ARHGAP29: variants seen among roughly 807,000 people sequenced by gnomAD.
ARHGAP29 encodes the protein rho GTPase-activating protein 29.
A neutral mutation model predicts 122.6 loss-of-function variants in ARHGAP29; 43 were observed. That is an observed-to-expected ratio of 0.35 (90% CI 0.27 to 0.45). The LOEUF (loss-of-function observed/expected upper bound fraction) is 0.45. Ranked by LOEUF, ARHGAP29 falls within the 20% of genes least tolerant of loss-of-function variation. ARHGAP29 has a pLI of 1.00. For synonymous variants in ARHGAP29, 506 were observed against 497.1 expected, an observed-to-expected ratio of 1.02 and a Z score of -0.24; for missense variants, 1,303 against 1,477.2, an observed-to-expected ratio of 0.88 and a Z score of 1.93.
rs908589581 is a variant in ARHGAP29, at chr1:94,264,030, T to C, written c.-33+10982A>G. Among the ~76,000 whole-genome samples the C allele has an allele frequency of 1.1e-4, 16 of 152,200 alleles. 1 individual carries two copies. The highest frequency in any genetic ancestry group is 4.6e-4 in the Admixed American group (7 of 15,280). ...GCTTGCATCAATCCTATTTCCCTAG[T>C]TGAGATCCCTAGAAGTGTAAATTTT... On this transcript the variant is annotated intron_variant and NMD_transcript_variant, in intron 1 of 25. Coordinates refer to the ARHGAP29 transcript ENST00000552844.
intron 1 of ARHGAP29, among the ~76,000 whole-genome samples, chr1:94,261,573 A>T (rs1356203720): frequency 6.6e-6 from 1 of 152,238 alleles, no homozygotes; most frequent in African/African-American, 2.4e-5. Flanking sequence ...ATACAAAATC[A>T]ACATACAAAA....
At chr1:94,237,629 C>CGCCCGCCA (rs1261527509), upstream of ARHGAP29, 2 of 986,986 alleles carry the variant, frequency 2.0e-6, no homozygotes, top group Non-Finnish European at 2.4e-6. Context: ...CCGCACCGCC[C>CGCCCGCCA]GCCCGCCAGC....
intron 3 of ARHGAP29, among the ~76,000 whole-genome samples, chr1:94,216,208 A>C (rs1006494592): frequency 5.3e-5 from 8 of 152,240 alleles, no homozygotes; most frequent in Non-Finnish European, 5.9e-5. Context: ...CACTGTTTGT[A>C]ATAGGAAAAA....
chr1:94,190,776 T>C (rs1363167958), intron 12 of ARHGAP29: 1 of 152,106 alleles, frequency 6.6e-6, no homozygotes, highest in Non-Finnish European at 1.5e-5. Flanking sequence ...ATACTGACCC[T>C]CCTGGACCTT....
upstream of ARHGAP29, among the ~76,000 whole-genome samples, chr1:94,240,278 T>G (rs554345376): frequency 1.3e-5 from 2 of 152,302 alleles, no homozygotes; most frequent in Admixed American, 1.3e-4. Context: ...TTTTGAGAAG[T>G]CTCTCAATCT....
rs549372248 is a variant in ARHGAP29 at position 94,250,348 on chromosome 1, A to C, written c.-32-18705T>G. On this transcript the variant is annotated intron_variant and NMD_transcript_variant, in intron 1 of 25. Transcript: ENST00000552844. ...CCAGACATTGTTCTGAGCACAGGGG[A>C]TATATCAGGGAATTTTAAATCCACC... is the stretch of plus-strand genomic sequence containing the variant. 3 of 152,292 alleles carry C rather than the reference A, an allele frequency of 2.0e-5. No homozygotes were observed. In the South Asian group the frequency reaches 6.2e-4, roughly 32 times the overall value. 9.4% of individuals were successfully genotyped at this position (152,292 alleles called of 1,614,324 possible).
At chr1:94,184,375 T>G (rs1161357707) in intron 18 of ARHGAP29, 87 bp from the exon 19 acceptor site, 2 of 924,216 alleles carry the variant, frequency 2.2e-6, no homozygotes, top group Non-Finnish European at 3.2e-6. Flanking sequence ...TGATTTTCAA[T>G]CTTTTCACTC....
chr1:94,188,179 G>A (rs1424840557), intron 15 of ARHGAP29, among the ~76,000 whole-genome samples: 1 of 152,070 alleles, frequency 6.6e-6, no homozygotes, highest in East Asian at 1.9e-4. Flanking sequence ...ACCCAGGCAA[G>A]TTACTCTCTT....
chr1:94,245,663 T>C (rs1486613315), intron 1 of ARHGAP29, among the ~76,000 whole-genome samples: 1 of 152,168 alleles, frequency 6.6e-6, no homozygotes, highest in African/African-American at 2.4e-5. Flanking sequence ...ATATTCAACA[T>C]ACTTGGGAAA....
intron 2 of ARHGAP29, among the ~76,000 whole-genome samples, chr1:94,221,225 TC>T (rs1254588122): frequency 6.6e-6 from 1 of 152,172 alleles, no homozygotes; most frequent in African/African-American, 2.4e-5. Flanking sequence ...AGGATCTTCA[TC>T]CCAAGTAAAT....
At chr1:94,213,339 C>G (rs1219082712) in intron 3 of ARHGAP29, among the ~76,000 whole-genome samples, 1 of 152,082 alleles carries the variant, frequency 6.6e-6, no homozygotes, top group Non-Finnish European at 1.5e-5. Flanking sequence ...GCCACCAGGC[C>G]CGGCCAATTT....
the ARHGAP29 span, among the ~76,000 whole-genome samples, chr1:94,311,657 T>G: frequency 6.6e-6 from 1 of 152,174 alleles, no homozygotes; most frequent in African/African-American, 2.4e-5. Flanking sequence ...ATTTCCTCAG[T>G]CAACTCACTC....
chr1:94,302,730 G>A, the ARHGAP29 span: 1 of 381,214 alleles, frequency 2.6e-6, no homozygotes, highest in Non-Finnish European at 5.2e-6. Context: ...TGTACCCACT[G>A]CCAATGTGTC....
At chr1:94,273,704 C>T (rs1473539225) in intron 1 of ARHGAP29, among the ~76,000 whole-genome samples, 4 of 152,132 alleles carry the variant, frequency 2.6e-5, no homozygotes, top group Admixed American at 2.6e-4. Flanking sequence ...TATTAAACAT[C>T]TGAAAGATCT....
the ARHGAP29 span, chr1:94,302,298 T>A: frequency 3.9e-6 from 1 of 255,298 alleles, no homozygotes; most frequent in Admixed American, 4.9e-5. Context: ...CTGGTGCTGA[T>A]TATGTTATGG....
chr1:94,199,942 T>A (rs1650732005), intron 12 of ARHGAP29, among the ~76,000 whole-genome samples: 1 of 152,192 alleles, frequency 6.6e-6, no homozygotes, highest in African/African-American at 2.4e-5. Flanking sequence ...AACATCCATA[T>A]GCTAAAAATG....
the ARHGAP29 span, among the ~76,000 whole-genome samples, chr1:94,311,366 C>T: frequency 6.6e-6 from 1 of 151,832 alleles, no homozygotes; most frequent in African/African-American, 2.4e-5. Context: ...TTCTTCTCTC[C>T]CTCTCTCTCT....
the ARHGAP29 span, among the ~76,000 whole-genome samples, chr1:94,313,225 C>A: frequency 6.6e-6 from 1 of 152,200 alleles, no homozygotes; most frequent in Admixed American, 6.5e-5. Flanking sequence ...ACTCTCTGCC[C>A]GAGATGCTCT....
At chr1:94,306,415 C>G in the ARHGAP29 span, among the ~76,000 whole-genome samples, 1 of 152,188 alleles carries the variant, frequency 6.6e-6, no homozygotes, top group African/African-American at 2.4e-5. Context: ...ACTTTACTTG[C>G]CTAAGTAAGG....
Sources: allele counts gnomAD v4.1 joint callset (sites outside exome capture counted in the v4.1 genomes callset), GRCh38; gene constraint gnomAD v4.1.1; transcripts MANE v1.5; gene names NCBI Gene and HGNC (gene_info 2026-07-23, HGNC 2026-07-21).